DYRK1A: variants seen among roughly 807,000 people sequenced by gnomAD.
DYRK1A encodes dual specificity tyrosine-phosphorylation-regulated kinase 1A.
In DYRK1A, 9 loss-of-function variants were observed where a neutral mutation model predicts 79.7. That is an observed-to-expected ratio of 0.11 (90% CI 0.07 to 0.20). DYRK1A has a LOEUF of 0.20. Among genes scored for constraint, DYRK1A ranks in the 10% least tolerant of loss-of-function variants. The probability of loss-of-function intolerance (pLI) is 1.00; values close to 1 mark genes in which losing one functional copy is unlikely to be tolerated. For missense variants in DYRK1A, 622 were observed against 956.0 expected (o/e 0.65, Z 4.61); for synonymous variants, 349 against 329.7 (o/e 1.06, Z -0.63).
rs1196607282 is a variant in DYRK1A at position 37,518,989 on chromosome 21, G to T, written c.*6458G>T. 1 of 152,142 alleles carries T rather than the reference G, an allele frequency of 6.6e-6. No individual in the cohort carries two copies. The highest frequency in any genetic ancestry group is 2.4e-5 in the African/African-American group (1 of 41,408). The allele number at this position is 152,142 out of a possible 1,614,324, so 9.4% of individuals were successfully genotyped here. A position where few individuals can be genotyped will look rare whatever the true frequency, so the allele number is the denominator to read the frequency against. ...GGATAATTAAAATTTTCAATTTATG[G>T]TGCATTACAAAATGTTATAAACAAG... On this transcript the variant is annotated 3_prime_UTR_variant, in exon 12 of 12. Coordinates refer to ENST00000647188, the MANE Select transcript of DYRK1A (RefSeq NM_001347721.2).
intron 11 of DYRK1A, among the ~76,000 whole-genome samples, chr21:37,510,609 T>C (rs2053721257): frequency 6.6e-6 from 1 of 152,222 alleles, no homozygotes; most frequent in Admixed American, 6.5e-5. Context: ...CCCCAAAATA[T>C]GGTAGCTTAA....
At chr21:37,478,927 C>T (rs774369345) in intron 4 of DYRK1A, among the ~76,000 whole-genome samples, 18 of 152,112 alleles carry the variant, frequency 1.2e-4, no homozygotes, top group Non-Finnish European at 1.6e-4. Context: ...GTTTTGCCAC[C>T]GAAAATTTTT....
chr21:37,455,674 C>T (rs567992450), intron 2 of DYRK1A, among the ~76,000 whole-genome samples: 6 of 152,234 alleles, frequency 3.9e-5, no homozygotes, highest in Middle Eastern at 3.4e-3. Flanking sequence ...CTCACCGTCC[C>T]GTGCTTGGGC....
At chr21:37,459,120 G>A (rs981206821) in intron 2 of DYRK1A, among the ~76,000 whole-genome samples, 2 of 152,172 alleles carry the variant, frequency 1.3e-5, no homozygotes, top group South Asian at 2.1e-4. Context: ...AAATCAAGAC[G>A]TCTGATAACC....
chr21:37,368,280 T>C (rs79848247), intron 1 of DYRK1A: 18,791 of 152,220 alleles, frequency 0.12, 2,001 homozygotes, highest in East Asian at 0.46. Flanking sequence ...AGTTGGTGGC[T>C]GAGGAGAGGT....
intron 2 of DYRK1A, among the ~76,000 whole-genome samples, chr21:37,421,239 T>C (rs1047233297): frequency 6.6e-6 from 1 of 152,094 alleles, no homozygotes; most frequent in African/African-American, 2.4e-5. Flanking sequence ...AAAAGAAATA[T>C]TTATATAAAT....
intron 1 of DYRK1A, among the ~76,000 whole-genome samples, chr21:37,370,879 C>G (rs1260575468): frequency 6.6e-6 from 1 of 152,222 alleles, no homozygotes; most frequent in South Asian, 2.1e-4. Flanking sequence ...ACAGTTTGCT[C>G]TGTGAAAGTG....
intron 11 of DYRK1A, among the ~76,000 whole-genome samples, chr21:37,508,914 GTCT>G (rs985126112): frequency 4.5e-4 from 69 of 152,170 alleles, no homozygotes; most frequent in African/African-American, 1.6e-3. Context: ...CGCCTGTCTT[GTCT>G]TCTTCCCTTT....
intron 1 of DYRK1A, among the ~76,000 whole-genome samples, chr21:37,401,152 A>G (rs60841271): frequency 0.04 from 6,093 of 152,196 alleles, 438 homozygotes; most frequent in African/African-American, 0.14. Flanking sequence ...TCAAAAAAAA[A>G]GGAAAGAAAA....
At chr21:37,417,474 C>A (rs1275657738) in intron 1 of DYRK1A, among the ~76,000 whole-genome samples, 1 of 144,812 alleles carries the variant, frequency 6.9e-6, no homozygotes, top group African/African-American at 2.5e-5. Context: ...GATTACAGAG[C>A]CACTGCTCCC....
chr21:37,434,124 A>G (rs1417285356), intron 2 of DYRK1A, among the ~76,000 whole-genome samples: 1 of 152,164 alleles, frequency 6.6e-6, no homozygotes, highest in African/African-American at 2.4e-5. Context: ...GAGAAGAGAA[A>G]TTGTAGTGTT....
intron 2 of DYRK1A, among the ~76,000 whole-genome samples, chr21:37,449,002 G>T (rs1315981535): frequency 6.6e-6 from 1 of 152,074 alleles, no homozygotes; most frequent in African/African-American, 2.4e-5. Flanking sequence ...GTGGACCTAG[G>T]AATTACGTAA....
intron 2 of DYRK1A, among the ~76,000 whole-genome samples, chr21:37,468,529 T>C (rs1374880134): frequency 6.6e-6 from 1 of 152,174 alleles, no homozygotes; most frequent in East Asian, 1.9e-4. Flanking sequence ...CTGTATCCAG[T>C]AGAACAGAAT....
intron 1 of DYRK1A, chr21:37,368,104 G>T (rs2049352478): frequency 8.3e-6 from 1 of 120,886 alleles, no homozygotes; most frequent in South Asian, 2.2e-4. Context: ...GAGGACGGCG[G>T]GGCCGGGCCG....
intron 2 of DYRK1A, among the ~76,000 whole-genome samples, chr21:37,424,395 A>G (rs1207139269): frequency 6.6e-6 from 1 of 152,214 alleles, no homozygotes; most frequent in Non-Finnish European, 1.5e-5. Flanking sequence ...ATAGATAAGT[A>G]TAAGGAAACA....
chr21:37,457,520 T>C (rs762314890), intron 2 of DYRK1A, among the ~76,000 whole-genome samples: 9 of 152,188 alleles, frequency 5.9e-5, no homozygotes, highest in Non-Finnish European at 1.3e-4. Flanking sequence ...TACAGGCATG[T>C]GCCACCGCGG....
Position 37,523,888 on chromosome 21 carries a change from T to G in DYRK1A, c.*11357T>G, listed in dbSNP as rs2053951557. The G allele has an allele frequency of 6.6e-6, 1 of 152,246 alleles. No individual in the cohort carries two copies. Among genetic ancestry groups the G allele is most frequent in the African/African-American group, 2.4e-5 (1 of 41,460 alleles). 9.4% of individuals were successfully genotyped at this position (152,246 alleles called of 1,614,324 possible). ...AGTAGTTGCTGCAGAGACCGTATGA[T>G]GAGAATATGTGGCATTCTCATCATT... On this transcript the variant is annotated 3_prime_UTR_variant, in exon 12 of 12. Transcript: ENST00000647188.
At chr21:37,460,968 C>T (rs981537525) in intron 2 of DYRK1A, among the ~76,000 whole-genome samples, 3 of 152,142 alleles carry the variant, frequency 2.0e-5, no homozygotes, top group African/African-American at 7.2e-5. Context: ...TCTTTTCTGT[C>T]TTCCAGATGG....
At chr21:37,384,268 T>TTAA (rs531895609) in intron 1 of DYRK1A, among the ~76,000 whole-genome samples, 44 of 152,308 alleles carry the variant, frequency 2.9e-4, no homozygotes, top group African/African-American at 9.6e-4. Context: ...AGTGGTCCCC[T>TTAA]TAAATGTTTG....
Sources: allele counts gnomAD v4.1 joint callset (sites outside exome capture counted in the v4.1 genomes callset), GRCh38; gene constraint gnomAD v4.1.1; transcripts MANE v1.5; gene names NCBI Gene and HGNC (gene_info 2026-07-23, HGNC 2026-07-21).